Variants in FARSB observed in about 807,000 individuals in gnomAD.
FARSB encodes phenylalanine--tRNA ligase beta subunit.
FARSB carries 40 observed loss-of-function variants against 69.6 expected under a neutral mutation model. That is an observed-to-expected ratio of 0.57 (90% CI 0.45 to 0.75). FARSB has a LOEUF of 0.75. Among genes scored for constraint, FARSB ranks in the 30% least tolerant of loss-of-function variants. The pLI, the probability that FARSB is intolerant of heterozygous loss-of-function variation, is 0.00. For synonymous variants in FARSB, 235 were observed against 247.2 expected (o/e 0.95, Z 0.46); for missense variants, 632 against 722.9 (o/e 0.87, Z 1.44).
At chr2:222,598,896 A>G (rs1185832420) in intron 16 of FARSB, among the ~76,000 whole-genome samples, 1 of 152,046 alleles carries the variant, frequency 6.6e-6, no homozygotes, top group Non-Finnish European at 1.5e-5. Flanking sequence ...TCTCATGGAA[A>G]GTGGGTAAGA....
intron 5 of FARSB, 30 bp downstream of exon 5, chr2:222,639,550 G>C (rs764576503): frequency 9.5e-7 from 1 of 1,052,390 alleles, no homozygotes; most frequent in Admixed American, 1.9e-5. Context: ...AAAGGGGAAG[G>C]CAAGGAAGAA....
intron 16 of FARSB, among the ~76,000 whole-genome samples, chr2:222,598,005 C>T (rs1437147521): frequency 6.6e-6 from 1 of 152,230 alleles, no homozygotes; most frequent in Non-Finnish European, 1.5e-5. Context: ...CCACACTACA[C>T]TGTCTGCTGT....
chr2:222,626,804 C>T (rs532716751), intron 10 of FARSB, among the ~76,000 whole-genome samples: 69 of 152,174 alleles, frequency 4.5e-4, no homozygotes, highest in South Asian at 1.9e-3. Flanking sequence ...GAGGCCAAAG[C>T]GGGCGGATCA....
At chr2:222,585,307 C>T (rs1690083785) in intron 16 of FARSB, among the ~76,000 whole-genome samples, 1 of 152,198 alleles carries the variant, frequency 6.6e-6, no homozygotes, top group Admixed American at 6.5e-5. Flanking sequence ...AACTAACGAA[C>T]AGAAAGGAAT....
intron 16 of FARSB, among the ~76,000 whole-genome samples, chr2:222,595,120 A>G (rs760048621): frequency 6.6e-6 from 1 of 152,236 alleles, no homozygotes; most frequent in Non-Finnish European, 1.5e-5. Flanking sequence ...CAGAAGCTTA[A>G]AAACTTCCAA....
At chr2:222,652,857 G>A (rs1692073629) in intron 1 of FARSB, among the ~76,000 whole-genome samples, 1 of 152,162 alleles carries the variant, frequency 6.6e-6, no homozygotes, top group South Asian at 2.1e-4. Flanking sequence ...TTAGTATGCA[G>A]TAATAGATAA....
In FARSB at chr2:222,653,701, G is replaced by A. The variant is rs113095924; in HGVS notation, c.58+2315C>T. Among the ~76,000 whole-genome samples, 9 of 149,600 alleles carry A rather than the reference G, an allele frequency of 6.0e-5. No homozygotes were observed. In the South Asian group the frequency reaches 1.5e-3, roughly 25 times the overall value. On this transcript the variant is annotated intron_variant, in intron 1 of 16. Transcript: ENST00000281828. ...GCTGGAGTGCAGTGGCTTGATCACC[G>A]CTCACTACAGCCTTGACCGCCTTGG...
intron 16 of FARSB, among the ~76,000 whole-genome samples, chr2:222,585,028 C>T (rs1006236641): frequency 3.3e-5 from 5 of 152,136 alleles, no homozygotes; most frequent in Non-Finnish European, 5.9e-5. Context: ...ATCTGAGAAC[C>T]GACAGACTGC....
intron 8 of FARSB, among the ~76,000 whole-genome samples, chr2:222,631,351 T>G (rs1410896035): frequency 6.6e-6 from 1 of 152,176 alleles, no homozygotes; most frequent in African/African-American, 2.4e-5. Flanking sequence ...TTCTTTGAAG[T>G]GAAGAGACAT....
At position 222,640,917 on chromosome 2, in the gene FARSB, A is replaced by G; in HGVS notation, c.284T>C (p.Val95Ala). 6.6e-7 allele frequency: 1 copy of G among 1,517,350 alleles called. No individual in the cohort carries two copies. Among genetic ancestry groups the G allele is most frequent in the Non-Finnish European group, 9.0e-7 (1 of 1,105,318 alleles). 94.0% of individuals were successfully genotyped at this position (1,517,350 alleles called of 1,614,324 possible). A position where few individuals can be genotyped will look rare whatever the true frequency, so the allele number is the denominator to read the frequency against. The change falls in exon 4 of 17, where the codon GTG becomes GCG. Residue 95 changes from valine (V) to alanine (A), a missense_variant. Val to Ala is a moderately conservative substitution (Grantham distance 64). Transcript: ENST00000281828. ...QVFKERIKAP[V>A]YKRVMPDGKI... is the part of the protein sequence containing the mutation. ...TCCATCAGGCATTACCCGTTTATAC[A>G]CTGGAGCCTTTATCCTAAAATAATA...
chr2:222,624,809 TC>T, intron 10 of FARSB, 34 bp from the exon 11 acceptor site: 1 of 1,314,236 alleles, frequency 7.6e-7, no homozygotes, highest in Non-Finnish European at 1.1e-6. Context: ...GTAAATCATT[TC>T]CCATCAGATA....
In FARSB at chr2:222,624,297, G is replaced by A. The variant is rs1483926473; in HGVS notation, c.1145C>T (p.Pro382Leu). Reference sequence around the variant, plus strand: ...TTGATTAGCTATGGTGTAAGTTTTCGGGAGAGTCATCTGAATGTTGTTATA... The same window carrying A: ...TTGATTAGCTATGGTGTAAGTTTTCAGGAGAGTCATCTGAATGTTGTTATA... ...YGYNNIQMTL[P>L]KTYTIANQFP... The change falls in exon 12 of 17, where the codon CCG (proline) becomes CTG (leucine). Residue 382 changes from proline (P) to leucine (L), a missense_variant. Physicochemically the swap from Pro to Leu is moderately conservative, Grantham distance 98. Transcript: ENST00000281828. 5 of 1,609,868 alleles carry A rather than the reference G, an allele frequency of 3.1e-6. No individual in the cohort carries two copies. The highest frequency in any genetic ancestry group is 2.7e-5 in the African/African-American group (2 of 74,800).
chr2:222,577,441 C>A (rs544616550), intron 16 of FARSB, among the ~76,000 whole-genome samples: 10 of 152,306 alleles, frequency 6.6e-5, no homozygotes, highest in African/African-American at 1.9e-4. Context: ...AACACACCTG[C>A]AGACACCATT....
At chr2:222,655,872 C>A (rs534886452) in intron 1 of FARSB, 144 bp downstream of exon 1, 32 of 662,450 alleles carry the variant, frequency 4.8e-5, no homozygotes, top group Middle Eastern at 4.0e-4. Context: ...CGGACCGCCA[C>A]CATCATCGGC....
intron 15 of FARSB, among the ~76,000 whole-genome samples, chr2:222,611,537 T>G (rs2106208036): frequency 1.3e-5 from 2 of 152,250 alleles, no homozygotes; most frequent in Middle Eastern, 6.8e-3. Context: ...AGACTCAACC[T>G]TCTGGGCTCA....
At chr2:222,614,197 C>T (rs1045257368) in intron 14 of FARSB, among the ~76,000 whole-genome samples, 4 of 152,084 alleles carry the variant, frequency 2.6e-5, no homozygotes, top group Admixed American at 2.0e-4. Flanking sequence ...CAAATACAAC[C>T]TAAATATGTT....
chr2:222,618,732 C>A (rs947454364), intron 14 of FARSB, among the ~76,000 whole-genome samples: 2 of 152,068 alleles, frequency 1.3e-5, no homozygotes, highest in Admixed American at 6.5e-5. Context: ...TAGACAATTA[C>A]AATAAAAGAC....
chr2:222,641,504 G>A (rs1350453493), intron 3 of FARSB, among the ~76,000 whole-genome samples: 1 of 152,208 alleles, frequency 6.6e-6, no homozygotes, highest in Non-Finnish European at 1.5e-5. Flanking sequence ...ATCAATTGGG[G>A]AGTTTGTTAA....
chr2:222,579,224 C>G (rs991972430), intron 16 of FARSB, among the ~76,000 whole-genome samples: 3 of 152,208 alleles, frequency 2.0e-5, no homozygotes, highest in African/African-American at 7.2e-5. Context: ...GTGTGGCCCA[C>G]AGGCACATAA....
Sources: allele counts gnomAD v4.1 joint callset (sites outside exome capture counted in the v4.1 genomes callset), GRCh38; gene constraint gnomAD v4.1.1; transcripts MANE v1.5; gene names NCBI Gene and HGNC (gene_info 2026-07-23, HGNC 2026-07-21).